The following PPP1R1C variants were observed in gnomAD, a reference collection of about 807,000 sequenced individuals.
PPP1R1C encodes the protein protein phosphatase 1 regulatory subunit 1C.
Under a neutral mutation model 17.4 loss-of-function variants are expected in PPP1R1C, and 15 were observed. The observed-to-expected ratio is 0.86, with a 90% CI of 0.58 to 1.33. The LOEUF is 1.33. PPP1R1C is among the 40% of genes most tolerant of loss of function. The pLI, the probability that PPP1R1C is intolerant of heterozygous loss-of-function variation, is 0.00. For missense variants in PPP1R1C, 143 were observed against 130.0 expected, an observed-to-expected ratio of 1.10 and a Z score of -0.48; for synonymous variants, 35 against 43.1, an observed-to-expected ratio of 0.81 and a Z score of 0.73.
intron 1 of PPP1R1C, among the ~76,000 whole-genome samples, chr2:181,960,102 G>A (rs1000268984): frequency 2.0e-5 from 3 of 152,040 alleles, no homozygotes; most frequent in Admixed American, 6.6e-5. Flanking sequence ...ATCTGCCCTC[G>A]ATCCTTATCA....
At chr2:182,090,867 A>G (rs1316618061) in intron 4 of PPP1R1C, among the ~76,000 whole-genome samples, 1 of 152,220 alleles carries the variant, frequency 6.6e-6, no homozygotes, top group East Asian at 1.9e-4. Context: ...GAATGAGAAT[A>G]TAAACCATTA....
chr2:182,014,011 T>C (rs887966640), intron 2 of PPP1R1C, among the ~76,000 whole-genome samples: 11 of 152,248 alleles, frequency 7.2e-5, no homozygotes, highest in Admixed American at 7.2e-4. Flanking sequence ...AGTTTACATA[T>C]CTCTGTCACT....
chr2:182,089,012 A>T lies in PPP1R1C; in HGVS notation c.241+25221A>T, dbSNP rs538930420. Reference sequence around the variant, plus strand: ...CCTCAAATGCTAGAGAGGAAGAATAAATAGAAATTTGGACCTTCTTTTATC... The same window carrying T: ...CCTCAAATGCTAGAGAGGAAGAATATATAGAAATTTGGACCTTCTTTTATC... On this transcript the variant is annotated intron_variant, in intron 4 of 4. Coordinates refer to ENST00000682840, the MANE Select transcript of PPP1R1C (RefSeq NM_001080545.3). Among the ~76,000 whole-genome samples the T allele has an allele frequency of 6.2e-4, 94 of 152,334 alleles. 1 individual carries two copies. The highest frequency in any genetic ancestry group is 2.2e-3 in the African/African-American group (91 of 41,572).
intron 1 of PPP1R1C, among the ~76,000 whole-genome samples, chr2:181,974,713 C>T (rs1001832720): frequency 2.6e-5 from 4 of 152,202 alleles, no homozygotes; most frequent in Non-Finnish European, 4.4e-5. Context: ...AGAAGACAGT[C>T]ACTTGGGGTT....
At chr2:182,063,864 C>T in intron 4 of PPP1R1C, 73 bp downstream of exon 4, 3 of 1,069,498 alleles carry the variant, frequency 2.8e-6, no homozygotes, top group Non-Finnish European at 4.4e-6. Context: ...TTCTCTAGGA[C>T]CACATATCTG....
chr2:181,976,029 G>A lies in PPP1R1C; in HGVS notation n.157+765G>A, dbSNP rs1685086539. Reference sequence around the variant, plus strand: ...AAAAATATTATTTAAAATTATCTTTGTTATTCTGGCTCTTAATTTTTTATT... The same window carrying A: ...AAAAATATTATTTAAAATTATCTTTATTATTCTGGCTCTTAATTTTTTATT... On this transcript the variant is annotated intron_variant and non_coding_transcript_variant, in intron 2 of 5. Transcript: ENST00000464264. The surrounding 1 kb of genome is among the most constrained non-coding windows in gnomAD (Gnocchi z 4.8). 6.6e-6 allele frequency among the ~76,000 whole-genome samples: 1 copy of A among 151,922 alleles called. No individual in the cohort carries two copies. Among genetic ancestry groups the A allele is most frequent in the Non-Finnish European group, 1.5e-5 (1 of 67,928 alleles).
chr2:182,011,668 T>G (rs1435866015), intron 2 of PPP1R1C, among the ~76,000 whole-genome samples: 1 of 152,068 alleles, frequency 6.6e-6, no homozygotes, highest in Non-Finnish European at 1.5e-5. Context: ...TCAGGTTTGG[T>G]TTGCTCTTGC....
At chr2:181,985,616 G>A (rs541333280), upstream of PPP1R1C, among the ~76,000 whole-genome samples, 3 of 152,076 alleles carry the variant, frequency 2.0e-5, no homozygotes, top group Non-Finnish European at 2.9e-5. This position sits in a 1 kb window ranked among gnomAD's most constrained non-coding sequence, Gnocchi z 4.1. Context: ...CCTAAACCCT[G>A]CCCCCAACTC....
At position 181,962,029 on chromosome 2, in the gene PPP1R1C, G is replaced by T. The variant is rs746865809; in HGVS notation, n.111+7395G>T. The T allele has an allele frequency of 1.3e-4, 93 of 727,818 alleles. No individual in the cohort carries two copies. Among genetic ancestry groups the T allele is most frequent in the Non-Finnish European group, 2.1e-4 (83 of 393,536 alleles). The allele number at this position is 727,818 out of a possible 1,614,324, so 45.1% of individuals were successfully genotyped here. A position where few individuals can be genotyped will look rare whatever the true frequency, so the allele number is the denominator to read the frequency against. Reference sequence around the variant, plus strand: ...GACAGGCATTGTCAATCTGCAAAACGATGCCGGCATTGTCCACAGTATTTG... The same window carrying T: ...GACAGGCATTGTCAATCTGCAAAACTATGCCGGCATTGTCCACAGTATTTG... On this transcript the variant is annotated intron_variant and non_coding_transcript_variant, in intron 1 of 5. Transcript: ENST00000464264. The surrounding 1 kb of genome is among the most constrained non-coding windows in gnomAD (Gnocchi z 6.0).
At chr2:182,093,441 T>C (rs892615885) in intron 4 of PPP1R1C, among the ~76,000 whole-genome samples, 5 of 152,320 alleles carry the variant, frequency 3.3e-5, no homozygotes, top group East Asian at 3.9e-4. Flanking sequence ...CCCCATTGTA[T>C]TGGGGATTAA....
At chr2:182,124,834 T>C (rs2125242447) in intron 5 of PPP1R1C, among the ~76,000 whole-genome samples, 1 of 152,318 alleles carries the variant, frequency 6.6e-6, no homozygotes, top group South Asian at 2.1e-4. Context: ...AATTGTGTCA[T>C]CTGCAAACAG....
chr2:182,083,624 C>T (rs1165936268), intron 4 of PPP1R1C, among the ~76,000 whole-genome samples: 1 of 151,998 alleles, frequency 6.6e-6, no homozygotes, highest in Non-Finnish European at 1.5e-5. Context: ...TAGTATTCTA[C>T]AGTGTATATA....
Position 182,113,410 on chromosome 2 carries a change from G to A in PPP1R1C, c.242-3797G>A, listed in dbSNP as rs112483310. Among the ~76,000 whole-genome samples the A allele has an allele frequency of 3.9e-4, 59 of 152,238 alleles. 2 individuals are homozygous for A. Among genetic ancestry groups the A allele is most frequent in the African/African-American group, 1.3e-3 (56 of 41,544 alleles). ...TCTATAATTCCTCCAGAAAAGTGATGTCATAAAACTACCTTTTATCTCAAT... is the reference window on the plus strand; with the variant it reads ...TCTATAATTCCTCCAGAAAAGTGATATCATAAAACTACCTTTTATCTCAAT... On this transcript the variant is annotated intron_variant, in intron 4 of 4. Coordinates refer to ENST00000682840, the MANE Select transcript of PPP1R1C (RefSeq NM_001080545.3).
At chr2:182,045,525 A>G (rs1356380401) in intron 2 of PPP1R1C, among the ~76,000 whole-genome samples, 1 of 152,056 alleles carries the variant, frequency 6.6e-6, no homozygotes, top group Non-Finnish European at 1.5e-5. Context: ...ATAATCATCC[A>G]TATGTATTTA....
intron 2 of PPP1R1C, among the ~76,000 whole-genome samples, chr2:182,032,137 C>G (rs1686861305): frequency 6.6e-6 from 1 of 152,210 alleles, no homozygotes; most frequent in East Asian, 1.9e-4. Flanking sequence ...AACATGGAAA[C>G]TGGCCTTCTG....
chr2:182,094,441 T>A (rs1055795887), intron 4 of PPP1R1C, among the ~76,000 whole-genome samples: 7 of 152,188 alleles, frequency 4.6e-5, no homozygotes, highest in African/African-American at 1.2e-4. Flanking sequence ...GTCCCCAATA[T>A]GACAATTTTT....
chr2:181,999,841 A>AT (rs1188238473), intron 2 of PPP1R1C, among the ~76,000 whole-genome samples: 1 of 151,982 alleles, frequency 6.6e-6, no homozygotes, highest in African/African-American at 2.4e-5. Context: ...CCTCTTAGAG[A>AT]TGAACCCCGT....
chr2:182,070,237 G>T (rs185010203), intron 4 of PPP1R1C, among the ~76,000 whole-genome samples: 52 of 152,270 alleles, frequency 3.4e-4, no homozygotes, highest in African/African-American at 1.2e-3. Context: ...GGAATACGTG[G>T]CTCATACCAT....
chr2:181,988,477 AC>A (rs1685364882), intron 2 of PPP1R1C, among the ~76,000 whole-genome samples: 1 of 152,232 alleles, frequency 6.6e-6, no homozygotes, highest in Non-Finnish European at 1.5e-5. Context: ...AAAAATGAAA[AC>A]CGCATTATTA....
Sources: allele counts gnomAD v4.1 joint callset (sites outside exome capture counted in the v4.1 genomes callset), GRCh38; gene constraint gnomAD v4.1.1; non-coding constraint Gnocchi (gnomAD v3.1); transcripts MANE v1.5; gene names NCBI Gene and HGNC (gene_info 2026-07-23, HGNC 2026-07-21).